Variants in TG observed in about 807,000 individuals in gnomAD.
TG encodes thyroglobulin.
Under a neutral mutation model 324.7 loss-of-function variants are expected in TG, and 270 were observed. The ratio of observed to expected loss-of-function variants is 0.83; its 90% confidence interval spans 0.75 to 0.92. TG has a LOEUF of 0.92. TG is among the 40% of genes least tolerant of loss of function. The probability of loss-of-function intolerance (pLI) is 0.00; values close to 1 mark genes in which losing one functional copy is unlikely to be tolerated. For missense variants in TG, 3,591 were observed against 3,456.4 expected (o/e 1.04, Z -0.98); for synonymous variants, 1,401 against 1,327.0 (o/e 1.06, Z -1.21).
chr8:132,908,439 AG>A, intron 18 of TG, 99 bp downstream of exon 18: 1 of 294,212 alleles, frequency 3.4e-6, no homozygotes. Flanking sequence ...GGCTGGAGAC[AG>A]GGGCCCCATC....
intron 5 of TG, among the ~76,000 whole-genome samples, chr8:132,877,989 G>C (rs900269208): frequency 6.6e-6 from 1 of 152,096 alleles, no homozygotes; most frequent in Non-Finnish European, 1.5e-5. Context: ...CATGAGGAAG[G>C]CAAAATAAAA....
chr8:133,121,685 G>C (rs192322205), intron 45 of TG, among the ~76,000 whole-genome samples: 2 of 152,274 alleles, frequency 1.3e-5, no homozygotes, highest in Admixed American at 1.3e-4. Context: ...TTCTTCATCT[G>C]GCAAATGGGT....
chr8:132,872,740 G>A (rs899689431), intron 4 of TG, among the ~76,000 whole-genome samples: 37 of 152,112 alleles, frequency 2.4e-4, no homozygotes, highest in Admixed American at 9.2e-4. Flanking sequence ...TTACTGTACC[G>A]TTTCTATGCT....
At chr8:133,013,504 T>C (rs1587761607) in intron 36 of TG, 96 bp from the exon 37 acceptor site, 5 of 1,437,484 alleles carry the variant, frequency 3.5e-6, no homozygotes, top group Non-Finnish European at 9.7e-7. Flanking sequence ...GATGGAAGGG[T>C]GGATGAGTGG....
At chr8:132,881,334 A>G (rs985189226) in intron 5 of TG, among the ~76,000 whole-genome samples, 3 of 152,172 alleles carry the variant, frequency 2.0e-5, no homozygotes, top group Admixed American at 6.5e-5. Flanking sequence ...TTTTTTTTCA[A>G]CTATGGGACT....
At chr8:133,130,941 C>G (rs1448587423) in intron 45 of TG, among the ~76,000 whole-genome samples, 2 of 152,132 alleles carry the variant, frequency 1.3e-5, no homozygotes, top group East Asian at 3.9e-4. Flanking sequence ...GAGGGGGGCC[C>G]CTATTAACCC....
Position 133,070,029 on chromosome 8 carries a change from A to AAAAAAAAAAAAAAAAAC in TG, c.7240-25014_7240-25013insAAAAAAAAAAAAAAACA, listed in dbSNP as rs376711807. On this transcript the variant is annotated intron_variant, in intron 41 of 47. Transcript: ENST00000220616. ...AAAAAAAAAAAAAAAAAAAAAAAGA[A>AAAAAAAAAAAAAAAAAC]AGAAAGAAAGAAAAGAAAAGAAGAA... 5.5e-5 allele frequency among the ~76,000 whole-genome samples: 6 copies of AAAAAAAAAAAAAAAAAC among 109,800 alleles called. 1 individual carries two copies. Among genetic ancestry groups the AAAAAAAAAAAAAAAAAC allele is most frequent in the African/African-American group, 1.9e-4 (5 of 25,816 alleles). The allele number at this position is 109,800 out of a possible 152,430, so 72.0% of individuals were successfully genotyped here.
intron 34 of TG, 60 bp downstream of exon 34, chr8:132,972,801 G>A (rs1587640623): frequency 3.7e-6 from 6 of 1,602,850 alleles, no homozygotes; most frequent in African/African-American, 2.7e-5. Flanking sequence ...TCCCAGCCAT[G>A]CATTAGGACA....
intron 41 of TG, chr8:133,090,086 A>T (rs180756509): frequency 6.6e-6 from 1 of 152,396 alleles, no homozygotes; most frequent in Non-Finnish European, 1.5e-5. Flanking sequence ...ATGGGGCTTG[A>T]GACTTATGCT....
At chr8:133,112,456 A>G (rs1322552532) in intron 43 of TG, among the ~76,000 whole-genome samples, 1 of 152,080 alleles carries the variant, frequency 6.6e-6, no homozygotes, top group African/African-American at 2.4e-5. Flanking sequence ...GGGGGAAGGC[A>G]GTGAATGGCC....
At chr8:133,032,577 G>T (rs1377758841) in intron 41 of TG, among the ~76,000 whole-genome samples, 1 of 152,214 alleles carries the variant, frequency 6.6e-6, no homozygotes, top group Non-Finnish European at 1.5e-5. Flanking sequence ...TTTTACAACT[G>T]CTCCCAGCAG....
chr8:133,122,802 C>A (rs1851242366), intron 45 of TG, among the ~76,000 whole-genome samples: 2 of 152,164 alleles, frequency 1.3e-5, no homozygotes, highest in Admixed American at 1.3e-4. Flanking sequence ...TCCAAGGCTA[C>A]TGATGAGAGA....
intron 38 of TG, 95 bp from the exon 39 acceptor site, chr8:133,019,507 G>A (rs1835362823): frequency 3.9e-6 from 4 of 1,034,450 alleles, no homozygotes; most frequent in Non-Finnish European, 6.0e-6. Context: ...GGGATGCCAG[G>A]CTTTGGAATG....
intron 44 of TG, among the ~76,000 whole-genome samples, chr8:133,114,487 G>A (rs894298405): frequency 6.6e-6 from 1 of 152,200 alleles, no homozygotes; most frequent in Non-Finnish European, 1.5e-5. Flanking sequence ...CACAGCAGAT[G>A]CACAAGAAAT....
intron 22 of TG, among the ~76,000 whole-genome samples, chr8:132,924,582 C>A (rs553545306): frequency 2.0e-5 from 3 of 152,158 alleles, no homozygotes; most frequent in African/African-American, 4.8e-5. Context: ...CAGTGAGATA[C>A]TGGATGGGAA....
chr8:133,092,722 A>G (rs750345753), intron 41 of TG, among the ~76,000 whole-genome samples: 2 of 151,970 alleles, frequency 1.3e-5, no homozygotes, highest in Non-Finnish European at 2.9e-5. Context: ...CATGCTCTCT[A>G]CACACCTCTG....
chr8:132,949,412 C>A (rs560334313), intron 27 of TG, among the ~76,000 whole-genome samples: 4 of 152,186 alleles, frequency 2.6e-5, no homozygotes, highest in Non-Finnish European at 4.4e-5. Flanking sequence ...TTGGATAAAG[C>A]AAATCCCATG....
At chr8:132,947,035 G>A (rs1243907323) in intron 26 of TG, among the ~76,000 whole-genome samples, 1 of 152,188 alleles carries the variant, frequency 6.6e-6, no homozygotes, top group Non-Finnish European at 1.5e-5. Flanking sequence ...CCTGGGCTCT[G>A]AGTGTGCCCC....
At chr8:133,070,704 TA>T (rs1843871285) in intron 41 of TG, among the ~76,000 whole-genome samples, 1 of 152,212 alleles carries the variant, frequency 6.6e-6, no homozygotes, top group Non-Finnish European at 1.5e-5. Flanking sequence ...CCCAGCTTAA[TA>T]AAACTTTAAT....
Sources: allele counts gnomAD v4.1 joint callset (sites outside exome capture counted in the v4.1 genomes callset), GRCh38; gene constraint gnomAD v4.1.1; transcripts MANE v1.5; gene names NCBI Gene and HGNC (gene_info 2026-07-23, HGNC 2026-07-21).